TLN1: variants seen among roughly 807,000 people sequenced by gnomAD.
TLN1 encodes talin-1.
A neutral mutation model predicts 292.3 loss-of-function variants in TLN1; 56 were observed. That is an observed-to-expected ratio of 0.19 (90% CI 0.15 to 0.24). The LOEUF (loss-of-function observed/expected upper bound fraction) is 0.24. TLN1 is among the 10% of genes least tolerant of loss of function. TLN1 has a pLI of 1.00. For synonymous variants in TLN1, 1,119 were observed against 1,253.7 expected (o/e 0.89, Z 2.27); for missense variants, 2,433 against 3,248.2 (o/e 0.75, Z 6.10).
chr9:35,703,537 T>C, intron 48 of TLN1, 23 bp downstream of exon 48: 1 of 1,606,464 alleles, frequency 6.2e-7, no homozygotes, highest in Non-Finnish European at 8.5e-7. Flanking sequence ...CCCTAGTCAC[T>C]GATGCCCCAG....
At chr9:35,721,942 G>A in intron 9 of TLN1, 139 bp from the exon 10 acceptor site, 1 of 1,265,432 alleles carries the variant, frequency 7.9e-7, no homozygotes, top group Non-Finnish European at 1.1e-6. Flanking sequence ...GGTAGGGAGG[G>A]AAGTGGTGGT....
rs781551059 is a variant in TLN1, at chr9:35,708,509, G to T, written c.4327-25C>A. The T allele has an allele frequency of 3.3e-6, 5 of 1,534,052 alleles. No homozygotes were observed. In the African/African-American group the frequency reaches 6.9e-5, roughly 21 times the overall value. On this transcript the variant is annotated intron_variant, in intron 33 of 56. Coordinates refer to ENST00000314888, the MANE Select transcript of TLN1 (RefSeq NM_006289.4). ...CCTGGGAAGAGAAAAGGGGGTGGGG[G>T]TGAGGAATAAAGATTGCAGGTGGGA...
intron 1 of TLN1, among the ~76,000 whole-genome samples, chr9:35,729,947 G>A (rs1417696367): frequency 2.1e-5 from 2 of 95,470 alleles, no homozygotes; most frequent in Non-Finnish European, 5.0e-5. Context: ...GGCTGGGAAT[G>A]GGGAAGACAG....
Position 35,707,367 on chromosome 9 carries a change from G to A in TLN1, c.4754C>T (p.Pro1585Leu). ...FASNPEFSSI[P>L]AQISPEGRAA... Reference sequence around the variant, plus strand: ...CCTCACCTCAGGGCTGATCTGGGCAGGAATGCTGGAGAACTCAGGGTTGGA... The same window carrying A: ...CCTCACCTCAGGGCTGATCTGGGCAAGAATGCTGGAGAACTCAGGGTTGGA... The change falls in exon 36 of 57, where the codon CCT (proline) becomes CTT (leucine). Residue 1585 changes from proline to leucine, a missense_variant. Pro to Leu is a moderately conservative substitution (Grantham distance 98). Transcript: ENST00000314888. This position sits in a 1 kb window ranked among gnomAD's most constrained non-coding sequence, Gnocchi z 5.6. 1.9e-6 allele frequency: 3 copies of A among 1,614,210 alleles called. No homozygotes were observed. Among genetic ancestry groups the A allele is most frequent in the Non-Finnish European group, 2.5e-6 (3 of 1,180,042 alleles).
At chr9:35,718,574 AG>A (rs1825826940) in intron 17 of TLN1, among the ~76,000 whole-genome samples, 1 of 152,166 alleles carries the variant, frequency 6.6e-6, no homozygotes, top group Non-Finnish European at 1.5e-5. Context: ...AAAGATGACA[AG>A]GGGCTAAAGA....
At position 35,699,782 on chromosome 9, in the gene TLN1, G is replaced by C; in HGVS notation, c.6768+192C>G. The C allele has an allele frequency of 1.3e-6, 1 of 795,158 alleles. No homozygotes were observed. Among genetic ancestry groups the C allele is most frequent in the African/African-American group, 1.9e-5 (1 of 53,392 alleles). The allele number at this position is 795,158 out of a possible 1,614,324, so 49.3% of individuals were successfully genotyped here. A position where few individuals can be genotyped will look rare whatever the true frequency, so the allele number is the denominator to read the frequency against. On this transcript the variant is annotated intron_variant, in intron 50 of 56. Transcript: ENST00000314888. This position sits in a 1 kb window ranked among gnomAD's most constrained non-coding sequence, Gnocchi z 4.0. ...AAAGAGGAAGAGGAAGAGGTGACTG[G>C]GAGAACCAAAGATGATAAGAAGGAT...
rs766317254 is a variant in TLN1, at chr9:35,719,099, C to A, written c.1871G>T (p.Arg624Leu). 6.2e-7 allele frequency: 1 copy of A among 1,613,434 alleles called. No homozygotes were observed. The highest frequency in any genetic ancestry group is 1.3e-5 in the African/African-American group (1 of 74,918). Residue 624 changes from arginine to leucine, a missense_variant, in exon 16 of 57, where the codon CGC becomes CTC. Physicochemically the swap from Arg to Leu is moderately radical, Grantham distance 102. Around this residue, in one of 7 missense-constraint regions of TLN1, gnomAD observed 617 missense variants for 770.6 expected, o/e 0.80. Coordinates refer to ENST00000314888, the MANE Select transcript of TLN1 (RefSeq NM_006289.4). This position sits in a 1 kb window ranked among gnomAD's most constrained non-coding sequence, Gnocchi z 4.6. Reference sequence around the variant, plus strand: ...CTCAGCACTGGCTGGTTGGGCACTGCGCAGCAGTTCTGACACTGCTCCCGC... The same window carrying A: ...CTCAGCACTGGCTGGTTGGGCACTGAGCAGCAGTTCTGACACTGCTCCCGC... ...GLAGAVSELL[R>L]SAQPASAEPR...
In TLN1 at chr9:35,711,420, A is replaced by G. The variant is rs1172196147; in HGVS notation, c.3880-26T>C. ...CTGTTGAAGGTGACAAGGTCAATGCATTGTCCTGTCCTTTCTTATCTGTCT... is the reference window on the plus strand; with the variant it reads ...CTGTTGAAGGTGACAAGGTCAATGCGTTGTCCTGTCCTTTCTTATCTGTCT... On this transcript the variant is annotated intron_variant, in intron 29 of 56. Transcript: ENST00000314888. The G allele has an allele frequency of 1.9e-6, 3 of 1,614,054 alleles. No individual in the cohort carries two copies. In the South Asian group the frequency reaches 3.3e-5, roughly 18 times the overall value.
rs1554663565 is a variant in TLN1 at position 35,724,862 on chromosome 9, G to C, written c.326C>G (p.Thr109Ser). 1 of 1,614,082 alleles carries C rather than the reference G, an allele frequency of 6.2e-7. No homozygotes were observed. Among genetic ancestry groups the C allele is most frequent in the Non-Finnish European group, 8.5e-7 (1 of 1,180,052 alleles). ...TIMVDDSKTVTDMLMTICARI... is the reference protein window; with the variant it reads ...TIMVDDSKTVSDMLMTICARI... ...GGCACAGATGGTCATGAGCATGTCA[G>C]TGACAGTCTTAGAGTCATCCACCAT... The change falls in exon 4 of 57, where the codon ACT becomes AGT. Residue 109 changes from threonine to serine, a missense_variant. Around this residue, in one of 7 missense-constraint regions of TLN1, gnomAD observed 155 missense variants for 287.9 expected, o/e 0.54. Coordinates refer to ENST00000314888, the MANE Select transcript of TLN1 (RefSeq NM_006289.4). This position sits in a 1 kb window ranked among gnomAD's most constrained non-coding sequence, Gnocchi z 4.7.
rs1044604188 is a variant in TLN1, at chr9:35,715,141, C to T, written c.2672G>A (p.Arg891Gln). 3.7e-6 allele frequency: 6 copies of T among 1,612,874 alleles called. No individual in the cohort carries two copies. Among genetic ancestry groups the T allele is most frequent in the Non-Finnish European group, 5.1e-6 (6 of 1,180,044 alleles). ...CATGCGCAGCCCCTCAGCTGCCTCCCGCAGCCGCTGCTGCTGCTCCTCACT... is the reference window on the plus strand; with the variant it reads ...CATGCGCAGCCCCTCAGCTGCCTCCTGCAGCCGCTGCTGCTGCTCCTCACT... ...PDSEEQQQRL[R>Q]EAAEGLRMAT... is the part of the protein sequence containing the mutation. The change falls in exon 21 of 57, where the codon CGG (arginine) becomes CAG (glutamine). Residue 891 changes from arginine to glutamine, a missense_variant. Physicochemically the swap from Arg to Gln is conservative, Grantham distance 43. Around this residue, in one of 7 missense-constraint regions of TLN1, gnomAD observed 617 missense variants for 770.6 expected, o/e 0.80. Coordinates refer to ENST00000314888, the MANE Select transcript of TLN1 (RefSeq NM_006289.4).
Position 35,698,764 on chromosome 9 carries a change from A to G in TLN1, c.7125+44T>C, listed in dbSNP as rs779224669. The G allele has an allele frequency of 6.2e-7, 1 of 1,613,756 alleles. No individual in the cohort carries two copies. The highest frequency in any genetic ancestry group is 1.1e-5 in the South Asian group (1 of 91,074). ...GCTATGGATGTGGATGTGGACATCA[A>G]AGTGCCAACCTGTCCCCATTCTTCT... On this transcript the variant is annotated intron_variant, in intron 53 of 56. Transcript: ENST00000314888. The surrounding 1 kb of genome is among the most constrained non-coding windows in gnomAD (Gnocchi z 5.3).
intron 27 of TLN1, among the ~76,000 whole-genome samples, chr9:35,712,574 G>A (rs1346203072): frequency 2.0e-5 from 3 of 151,742 alleles, no homozygotes; most frequent in African/African-American, 7.3e-5. Context: ...CTTGAACCCA[G>A]GAGGCGGAGA....
chr9:35,697,644 G>T lies in TLN1; in HGVS notation c.*147C>A. On this transcript the variant is annotated 3_prime_UTR_variant, in exon 57 of 57. Coordinates refer to ENST00000314888, the MANE Select transcript of TLN1 (RefSeq NM_006289.4). ...GGGGAGGGGACAGGGGATGTACTGC[G>T]GGACTGGGCGGGGCCAGGCCCTGGG... 2 of 1,207,984 alleles carry T rather than the reference G, an allele frequency of 1.7e-6. No homozygotes were observed. Among genetic ancestry groups the T allele is most frequent in the Non-Finnish European group, 2.3e-6 (2 of 867,906 alleles). 74.8% of individuals were successfully genotyped at this position (1,207,984 alleles called of 1,614,324 possible).
In TLN1 at chr9:35,699,190, G is replaced by C. The variant is rs772995514; in HGVS notation, c.6875-34C>G. ...ATGAAGGAAGAGGAAAGAGGCTAAG[G>C]CAGAGTGGGGAGGTCAAAAGCACCA... On this transcript the variant is annotated intron_variant, in intron 51 of 56. Transcript: ENST00000314888. This position sits in a 1 kb window ranked among gnomAD's most constrained non-coding sequence, Gnocchi z 4.0. 11 of 1,589,982 alleles carry C rather than the reference G, an allele frequency of 6.9e-6. No individual in the cohort carries two copies. The African/African-American group carries it at 1.1e-4, about 16-fold the overall frequency.
chr9:35,711,196 T>A, intron 30 of TLN1, 59 bp downstream of exon 30: 1 of 1,611,316 alleles, frequency 6.2e-7, no homozygotes, highest in Non-Finnish European at 8.5e-7. Flanking sequence ...TCTCATGAAC[T>A]GCCTGCTCCC....
At chr9:35,728,315 C>G (rs1246882540) in intron 1 of TLN1, among the ~76,000 whole-genome samples, 1 of 152,120 alleles carries the variant, frequency 6.6e-6, no homozygotes, top group Admixed American at 6.5e-5. Context: ...TTAAGACAGT[C>G]AGAATATAAG....
chr9:35,704,990 G>A lies in TLN1; in HGVS notation c.5734-175C>T, dbSNP rs1016454399. Reference sequence around the variant, plus strand: ...CGGTTGCATATCCTTTAGGCAGAAGGTCACCTCCTACACACAGAAAATAGT... The same window carrying A: ...CGGTTGCATATCCTTTAGGCAGAAGATCACCTCCTACACACAGAAAATAGT... On this transcript the variant is annotated intron_variant, in intron 43 of 56. Transcript: ENST00000314888. The surrounding 1 kb of genome is among the most constrained non-coding windows in gnomAD (Gnocchi z 6.9). 6.6e-6 allele frequency among the ~76,000 whole-genome samples: 1 copy of A among 152,212 alleles called. No individual in the cohort carries two copies. The highest frequency in any genetic ancestry group is 1.5e-5 in the Non-Finnish European group (1 of 68,046).
intron 48 of TLN1, among the ~76,000 whole-genome samples, chr9:35,702,065 C>T (rs556393678): frequency 2.4e-4 from 36 of 152,156 alleles, no homozygotes; most frequent in African/African-American, 7.5e-4. Context: ...AGCCAAATTG[C>T]GGGAGAGTAT....
Position 35,704,248 on chromosome 9 carries a change from C to T in TLN1, c.6048-74G>A. On this transcript the variant is annotated intron_variant, in intron 45 of 56. Transcript: ENST00000314888. The surrounding 1 kb of genome is among the most constrained non-coding windows in gnomAD (Gnocchi z 6.9). The stretch of plus-strand genomic sequence containing the variant: ...GTCCAAGGTGCCTGGTCCAGGTCTT[C>T]CCCATTCCAGCGAATGCTATCCTGC... 1 of 1,575,222 alleles carries T rather than the reference C, an allele frequency of 6.3e-7. No homozygotes were observed. The highest frequency in any genetic ancestry group is 8.6e-7 in the Non-Finnish European group (1 of 1,158,880).
Sources: allele counts gnomAD v4.1 joint callset (sites outside exome capture counted in the v4.1 genomes callset), GRCh38; gene constraint gnomAD v4.1.1; regional missense constraint gnomAD v4.1.1; non-coding constraint Gnocchi (gnomAD v3.1); transcripts MANE v1.5; gene names NCBI Gene and HGNC (gene_info 2026-07-23, HGNC 2026-07-21).